TPO: variants seen among roughly 807,000 people sequenced by gnomAD.
TPO encodes thyroid peroxidase.
Under a neutral mutation model 96.9 loss-of-function variants are expected in TPO, and 78 were observed. That is an observed-to-expected ratio of 0.81 (90% CI 0.67 to 0.97). The LOEUF is 0.97. TPO is among the 50% of genes least tolerant of loss of function. The pLI is 0.00. For missense variants in TPO, 1,252 were observed against 1,274.8 expected (o/e 0.98, Z 0.27); for synonymous variants, 547 against 538.0 (o/e 1.02, Z -0.23).
intron 13 of TPO, chr2:1,503,740 G>A (rs1673107406): frequency 2.3e-6 from 2 of 871,784 alleles, no homozygotes; most frequent in Non-Finnish European, 3.8e-6. Flanking sequence ...CAGGCTCAGA[G>A]CCCGTGGCCA....
intron 5 of TPO, among the ~76,000 whole-genome samples, chr2:1,442,277 G>A (rs1666274675): frequency 6.6e-6 from 1 of 152,184 alleles, no homozygotes; most frequent in South Asian, 2.1e-4. Context: ...GGAAATAGAT[G>A]CAATCAGGGT....
chr2:1,422,358 C>CCGCGCTGGACAGACTTCGTGCAGGT (rs1663746979), intron 2 of TPO, among the ~76,000 whole-genome samples: 1 of 106,044 alleles, frequency 9.4e-6, no homozygotes, highest in South Asian at 3.7e-4. Context: ...CTCGTGCAGG[C>CCGCGCTGGACAGACTTCGTGCAGGT]GCCGCGCTGG....
intron 5 of TPO, among the ~76,000 whole-genome samples, chr2:1,452,308 C>T (rs11211650): frequency 0.93 from 141,447 of 152,256 alleles, 65,781 homozygotes; most frequent in South Asian, 0.98. Context: ...GGGTGGAGTT[C>T]CAGTTAGTTC....
intron 3 of TPO, among the ~76,000 whole-genome samples, chr2:1,425,094 T>C (rs1024005591): frequency 1.3e-5 from 2 of 151,854 alleles, no homozygotes. Flanking sequence ...TTATTTCATA[T>C]CCTCAAAAGT....
rs898734103 is a variant in TPO at position 1,477,499 on chromosome 2, G to A, written c.1233G>A (p.Leu411=). ...PSLTALHTLW[L]REHNRLAAAL... ...TGACGGCACTGCACACGCTGTGGCT[G>A]CGCGAGCACAACCGCCTGGCCGCGG... The change falls in exon 8 of 17, where the codon CTG becomes CTA. Residue 411 remains leucine (L), a synonymous_variant. Transcript: ENST00000329066. 9.1e-6 allele frequency: 14 copies of A among 1,531,576 alleles called. No individual in the cohort carries two copies. The African/African-American group carries it at 1.9e-4, about 21-fold the overall frequency. 94.9% of individuals were successfully genotyped at this position (1,531,576 alleles called of 1,614,324 possible). A position where few individuals can be genotyped will look rare whatever the true frequency, so the allele number is the denominator to read the frequency against.
At chr2:1,428,308 G>T (rs550044367) in intron 3 of TPO, among the ~76,000 whole-genome samples, 4,266 of 152,286 alleles carry the variant, frequency 0.028, 111 homozygotes, top group South Asian at 0.13. Context: ...TGTGGCTTGT[G>T]GGGTGGTTGA....
intron 15 of TPO, among the ~76,000 whole-genome samples, chr2:1,526,148 G>C (rs1321340787): frequency 2.8e-5 from 1 of 35,668 alleles, no homozygotes; most frequent in East Asian, 7.5e-4. Context: ...CCCTCCATGT[G>C]CAAACCTCCA....
At chr2:1,456,651 A>G (rs1667824560) in intron 7 of TPO, among the ~76,000 whole-genome samples, 1 of 121,280 alleles carries the variant, frequency 8.2e-6, no homozygotes, top group African/African-American at 3.0e-5. Context: ...GTGGGTACAC[A>G]TATATATAGC....
chr2:1,542,809 T>TCGTCTGCACTCTGCCC lies in TPO; in HGVS notation c.*338_*353dup. On this transcript the variant is annotated 3_prime_UTR_variant, in exon 17 of 17. Coordinates refer to ENST00000329066, the MANE Select transcript of TPO (RefSeq NM_001206744.2). ...CCTTCTGGCATCTCTGATGCCGTGC[T>TCGTCTGCACTCTGCCC]CGTCTGCACTCTGCCCCGGCGGTCC... The TCGTCTGCACTCTGCCC allele has an allele frequency of 2.0e-6, 1 of 511,034 alleles. No individual in the cohort carries two copies. The highest frequency in any genetic ancestry group is 3.4e-6 in the Non-Finnish European group (1 of 296,900). The allele number at this position is 511,034 out of a possible 1,614,324, so 31.7% of individuals were successfully genotyped here. A position where few individuals can be genotyped will look rare whatever the true frequency, so the allele number is the denominator to read the frequency against.
At chr2:1,400,986 T>G (rs970481523) in intron 1 of TPO, among the ~76,000 whole-genome samples, 3 of 152,180 alleles carry the variant, frequency 2.0e-5, no homozygotes, top group Non-Finnish European at 4.4e-5. Context: ...GTAACTGTTG[T>G]GCGTCATAGT....
At position 1,542,441 on chromosome 2, in the gene TPO, C is replaced by T; in HGVS notation, c.2769C>T (p.Gly923=). The T allele has an allele frequency of 1.9e-6, 3 of 1,614,178 alleles. No homozygotes were observed. The highest frequency in any genetic ancestry group is 2.5e-6 in the Non-Finnish European group (3 of 1,180,032). The change falls in exon 17 of 17, where the codon GGC becomes GGT. Residue 923 remains glycine (G), a synonymous_variant. Transcript: ENST00000329066. The part of the protein sequence containing the change: ...DSEQESAGME[G]RDTHRLPRAL Reference sequence around the variant, plus strand: ...TGCAGGAGAGTGCTGGGATGGAAGGCCGGGATACTCACAGGCTGCCGAGAG... The same window carrying T: ...TGCAGGAGAGTGCTGGGATGGAAGGTCGGGATACTCACAGGCTGCCGAGAG...
chr2:1,519,497 T>C (rs1675033984), intron 15 of TPO, among the ~76,000 whole-genome samples: 1 of 152,238 alleles, frequency 6.6e-6, no homozygotes, highest in African/African-American at 2.4e-5. Flanking sequence ...TGATCTGTTT[T>C]GGAAAGAGAG....
chr2:1,402,204 G>A (rs1338626314), intron 1 of TPO, among the ~76,000 whole-genome samples: 1 of 152,200 alleles, frequency 6.6e-6, no homozygotes, highest in South Asian at 2.1e-4. Flanking sequence ...GCTCATCCAG[G>A]GACCACCTGT....
intron 5 of TPO, among the ~76,000 whole-genome samples, chr2:1,447,436 T>C (rs1162810537): frequency 1.3e-5 from 2 of 152,210 alleles, no homozygotes; most frequent in Non-Finnish European, 2.9e-5. Flanking sequence ...ACATCTTACA[T>C]GTATTTGATT....
rs535159698 is a variant in TPO at position 1,522,497 on chromosome 2, G to T, written c.2618+5515G>T. Among the ~76,000 whole-genome samples the T allele has an allele frequency of 2.1e-5, 3 of 145,700 alleles. No homozygotes were observed. In the East Asian group the frequency reaches 6.3e-4, roughly 30 times the overall value. On this transcript the variant is annotated intron_variant, in intron 15 of 16. Transcript: ENST00000329066. ...CTCTACCCCACACCGGCCCGCCACC[G>T]TGCCCTCACAGTCTCTCTGATCTGT... is the stretch of plus-strand genomic sequence containing the variant.
chr2:1,477,547 C>A lies in TPO; in HGVS notation c.1281C>A (p.His427Gln). The A allele has an allele frequency of 6.5e-7, 1 of 1,536,410 alleles. No individual in the cohort carries two copies. The change falls in exon 8 of 17, where the codon CAC becomes CAA. Residue 427 changes from histidine (H) to glutamine (Q), a missense_variant. His to Gln is a conservative substitution (Grantham distance 24). Coordinates refer to ENST00000329066, the MANE Select transcript of TPO (RefSeq NM_001206744.2). Reference sequence around the variant, plus strand: ...CGGCGCTCAAGGCCCTCAATGCGCACTGGAGCGCGGACGCCGTGTACCAGG... The same window carrying A: ...CGGCGCTCAAGGCCCTCAATGCGCAATGGAGCGCGGACGCCGTGTACCAGG... ...LAAALKALNA[H>Q]WSADAVYQEA...
At chr2:1,422,540 G>A (rs1216179652) in intron 2 of TPO, among the ~76,000 whole-genome samples, 1 of 152,210 alleles carries the variant, frequency 6.6e-6, no homozygotes, top group East Asian at 1.9e-4. Flanking sequence ...GGAAACACTT[G>A]CCGTCTTCCT....
chr2:1,393,754 G>A (rs761165395), intron 1 of TPO, among the ~76,000 whole-genome samples: 15 of 152,218 alleles, frequency 9.9e-5, no homozygotes, highest in South Asian at 2.1e-4. Context: ...ATGCTCATGC[G>A]TGATTATTGG....
chr2:1,523,399 A>G (rs911131345), intron 15 of TPO, among the ~76,000 whole-genome samples: 1 of 126,970 alleles, frequency 7.9e-6, no homozygotes, highest in African/African-American at 3.1e-5. Context: ...ATTGTGTGCA[A>G]ACACCCCAAA....
Sources: gnomAD v4.1 joint callset for allele counts (sites outside exome capture counted in the v4.1 genomes callset) on GRCh38, gnomAD v4.1.1 for gene constraint, MANE v1.5 for transcripts, NCBI Gene and HGNC (gene_info 2026-07-23, HGNC 2026-07-21) for gene names.